The following RIPK1 variants were observed in gnomAD, a reference collection of about 807,000 sequenced individuals.
RIPK1 encodes receptor interacting serine/threonine kinase 1, also known as receptor-interacting serine/threonine-protein kinase 1.
RIPK1 carries 27 observed loss-of-function variants against 62.4 expected under a neutral mutation model. The observed-to-expected ratio is 0.43, with a 90% CI of 0.32 to 0.60. The LOEUF is 0.60. RIPK1 is among the 20% of genes least tolerant of loss of function. RIPK1 has a pLI of 0.07. For synonymous variants in RIPK1, 287 were observed against 303.2 expected, an observed-to-expected ratio of 0.95 and a Z score of 0.55; for missense variants, 735 against 831.0, an observed-to-expected ratio of 0.88 and a Z score of 1.42.
rs556281914 is a variant in RIPK1 at position 3,073,503 on chromosome 6, C to T, written c.-60-3261C>T. Reference sequence around the variant, plus strand: ...CTATGGCTCCTGGTCTCTTACCTCACGCGTGTGCCTCACCCCACCCCTCAG... The same window carrying T: ...CTATGGCTCCTGGTCTCTTACCTCATGCGTGTGCCTCACCCCACCCCTCAG... On this transcript the variant is annotated intron_variant, in intron 1 of 10. Transcript: ENST00000259808. 8.4e-4 allele frequency among the ~76,000 whole-genome samples: 128 copies of T among 152,254 alleles called. 1 individual carries two copies. The highest frequency in any genetic ancestry group is 2.8e-3 in the African/African-American group (115 of 41,540).
At chr6:3,088,970 C>T (rs993020052) in intron 6 of RIPK1, among the ~76,000 whole-genome samples, 14 of 152,150 alleles carry the variant, frequency 9.2e-5, no homozygotes, top group Admixed American at 5.2e-4. Context: ...AAGAGAAAAT[C>T]CAGTGAACTC....
In RIPK1 at chr6:3,082,492, TTC is replaced by T. The variant is rs138654871; in HGVS notation, c.460-587_460-586del. ...TGTTCTGTGTCTGACCTTGCTATTT[TTC>T]TCTCTGCTTTTTTGTCTGTTTTTCT... On this transcript the variant is annotated intron_variant, in intron 4 of 10. Coordinates refer to ENST00000259808, the MANE Select transcript of RIPK1 (RefSeq NM_001354930.2). Among the ~76,000 whole-genome samples the T allele has an allele frequency of 3.7e-3, 566 of 152,326 alleles. 4 individuals carry two copies. Among genetic ancestry groups the T allele is most frequent in the African/African-American group, 0.013 (535 of 41,562 alleles).
rs999404443 is a variant in RIPK1, at chr6:3,072,902, C to T, written c.-60-3862C>T. ...CTAAAATCAATGTTATCTTTTATGC[C>T]CTCTGTCTCCACCCGCTCCTACCTC... On this transcript the variant is annotated intron_variant, in intron 1 of 10. Coordinates refer to ENST00000259808, the MANE Select transcript of RIPK1 (RefSeq NM_001354930.2). This position sits in a 1 kb window ranked among gnomAD's most constrained non-coding sequence, Gnocchi z 5.6. 2.4e-5 allele frequency among the ~76,000 whole-genome samples: 3 copies of T among 126,760 alleles called. No individual in the cohort carries two copies. The highest frequency in any genetic ancestry group is 5.6e-5 in the African/African-American group (1 of 17,880). 83.2% of individuals were successfully genotyped at this position (126,760 alleles called of 152,430 possible). A position where few individuals can be genotyped will look rare whatever the true frequency, so the allele number is the denominator to read the frequency against.
Position 3,105,441 on chromosome 6 carries a change from G to A in RIPK1, c.1007-41G>A. On this transcript the variant is annotated intron_variant, in intron 8 of 10. Coordinates refer to ENST00000259808, the MANE Select transcript of RIPK1 (RefSeq NM_001354930.2). The surrounding 1 kb of genome is among the most constrained non-coding windows in gnomAD (Gnocchi z 4.5). ...CTCAGATTTTATTTTACTTTTTAATGTTTCATGACACCCATTCTAATGTTG... is the reference window on the plus strand; with the variant it reads ...CTCAGATTTTATTTTACTTTTTAATATTTCATGACACCCATTCTAATGTTG... 1 of 1,419,782 alleles carries A rather than the reference G, an allele frequency of 7.0e-7. No individual in the cohort carries two copies. The highest frequency in any genetic ancestry group is 1.4e-5 in the South Asian group (1 of 70,884). 87.9% of individuals were successfully genotyped at this position (1,419,782 alleles called of 1,614,324 possible). A position where few individuals can be genotyped will look rare whatever the true frequency, so the allele number is the denominator to read the frequency against.
chr6:3,068,618 G>A lies in RIPK1; in HGVS notation c.-104G>A, dbSNP rs535027879. On this transcript the variant is annotated 5_prime_UTR_variant, in exon 1 of 11. Transcript: ENST00000259808. ...GCCATCCGGGCGGGGCCGACGGAGC[G>A]CGGCAGGACTTGGCTGGACGGCGCG... is the stretch of plus-strand genomic sequence containing the variant. The A allele has an allele frequency of 1.6e-4, 157 of 985,150 alleles. No individual in the cohort carries two copies. Among genetic ancestry groups the A allele is most frequent in the Non-Finnish European group, 1.8e-4 (146 of 829,886 alleles). 61.0% of individuals were successfully genotyped at this position (985,150 alleles called of 1,614,324 possible).
chr6:3,090,599 A>C (rs1168179201), intron 7 of RIPK1, among the ~76,000 whole-genome samples: 1 of 152,136 alleles, frequency 6.6e-6, no homozygotes, highest in Non-Finnish European at 1.5e-5. Context: ...TCAAAGAAAA[A>C]CAGACAAATC....
intron 10 of RIPK1, among the ~76,000 whole-genome samples, chr6:3,111,923 G>A (rs114102953): frequency 5.5e-4 from 84 of 152,322 alleles, no homozygotes; most frequent in African/African-American, 1.9e-3. Flanking sequence ...ACATCACAGA[G>A]GGCTGAGGAA....
At chr6:3,070,335 A>T (rs1045510501) in intron 1 of RIPK1, among the ~76,000 whole-genome samples, 1 of 152,174 alleles carries the variant, frequency 6.6e-6, no homozygotes, top group East Asian at 1.9e-4. Flanking sequence ...GAAAATACTT[A>T]ATTTCCCATG....
intron 3 of RIPK1, among the ~76,000 whole-genome samples, chr6:3,079,197 A>C (rs559985578): frequency 3.3e-5 from 5 of 152,228 alleles, no homozygotes; most frequent in African/African-American, 9.6e-5. Flanking sequence ...CTCCTGCCTC[A>C]GCCTCTTGAG....
chr6:3,081,579 G>C (rs1413437332), intron 4 of RIPK1, among the ~76,000 whole-genome samples: 1 of 152,080 alleles, frequency 6.6e-6, no homozygotes, highest in Admixed American at 6.6e-5. Flanking sequence ...TGAGATCAGC[G>C]GCCGGGTGCA....
upstream of RIPK1, among the ~76,000 whole-genome samples, chr6:3,064,315 G>A (rs1267203993): frequency 2.0e-5 from 3 of 152,176 alleles, no homozygotes; most frequent in East Asian, 5.8e-4. Flanking sequence ...GCCCTTCCCT[G>A]GCCGAAGCCC....
chr6:3,068,656 G>C lies in RIPK1; in HGVS notation c.-66G>C, dbSNP rs1243961866. 1 of 985,304 alleles carries C rather than the reference G, an allele frequency of 1.0e-6. No individual in the cohort carries two copies. Among genetic ancestry groups the C allele is most frequent in the South Asian group, 4.7e-5 (1 of 21,290 alleles). The allele number at this position is 985,304 out of a possible 1,614,324, so 61.0% of individuals were successfully genotyped here. A position where few individuals can be genotyped will look rare whatever the true frequency, so the allele number is the denominator to read the frequency against. On this transcript the variant is annotated 5_prime_UTR_variant, in exon 1 of 11. Coordinates refer to ENST00000259808, the MANE Select transcript of RIPK1 (RefSeq NM_001354930.2). ...GCTGGACGGCGCGGCCACGGAGAAGGGCGCGGTGAGCGGACTGGCACCGCG... is the reference window on the plus strand; with the variant it reads ...GCTGGACGGCGCGGCCACGGAGAAGCGCGCGGTGAGCGGACTGGCACCGCG...
chr6:3,090,393 G>A (rs1224505947), intron 7 of RIPK1, among the ~76,000 whole-genome samples: 1 of 152,064 alleles, frequency 6.6e-6, no homozygotes, highest in Admixed American at 6.5e-5. Context: ...AACAGGCAGA[G>A]ACTTTAAAAT....
chr6:3,068,584 C>T lies in RIPK1; in HGVS notation c.-138C>T. The T allele has an allele frequency of 1.5e-5, 15 of 985,402 alleles. No homozygotes were observed. The highest frequency in any genetic ancestry group is 1.8e-5 in the Non-Finnish European group (15 of 829,994). The allele number at this position is 985,402 out of a possible 1,614,324, so 61.0% of individuals were successfully genotyped here. A position where few individuals can be genotyped will look rare whatever the true frequency, so the allele number is the denominator to read the frequency against. ...TCCAGGGGACCCACAGCTGGGGCGC[C>T]AGAGCGCGGCCATCCGGGCGGGGCC... On this transcript the variant is annotated 5_prime_UTR_variant, in exon 1 of 11. Coordinates refer to ENST00000259808, the MANE Select transcript of RIPK1 (RefSeq NM_001354930.2).
chr6:3,095,598 C>T (rs1272496559), intron 7 of RIPK1, among the ~76,000 whole-genome samples: 7 of 152,102 alleles, frequency 4.6e-5, no homozygotes, highest in Admixed American at 1.3e-4. Flanking sequence ...ACGCAAAATT[C>T]GGTTTCTGCC....
chr6:3,089,631 G>A lies in RIPK1; in HGVS notation c.889G>A (p.Val297Ile), dbSNP rs927432248. The A allele has an allele frequency of 2.5e-6, 4 of 1,587,230 alleles. No homozygotes were observed. In the African/African-American group the frequency reaches 4.0e-5, roughly 16 times the overall value. ...PFYLSQLEESVEEDVKSLKKE... is the reference protein window; with the variant it reads ...PFYLSQLEESIEEDVKSLKKE... ...TTATTTAAGTCAATTAGAAGAAAGT[G>A]TAGAAGAGGACGTGAAGAGTTTAAA... Residue 297 changes from valine to isoleucine, a missense_variant, in exon 7 of 11, where the codon GTA becomes ATA. Val to Ile is a conservative substitution (Grantham distance 29). Coordinates refer to ENST00000259808, the MANE Select transcript of RIPK1 (RefSeq NM_001354930.2).
In RIPK1 at chr6:3,099,271, G is replaced by A. The variant is rs1159971203; in HGVS notation, c.916-4954G>A. On this transcript the variant is annotated intron_variant, in intron 7 of 10. Coordinates refer to ENST00000259808, the MANE Select transcript of RIPK1 (RefSeq NM_001354930.2). ...AATAAAAAACAAAAATAGGCCGGGT[G>A]CGGTGGCTGACGCCTGTAATCCCAG... Among the ~76,000 whole-genome samples the A allele has an allele frequency of 3.3e-5, 5 of 152,228 alleles. No individual in the cohort carries two copies. In the East Asian group the frequency reaches 7.7e-4, roughly 23 times the overall value.
intron 7 of RIPK1, 79 bp downstream of exon 7, chr6:3,089,736 T>A (rs1433336582): frequency 3.6e-6 from 3 of 835,252 alleles, no homozygotes; most frequent in Admixed American, 4.5e-5. Context: ...AACAAAGTGA[T>A]TTGTTATTGA....
intron 6 of RIPK1, among the ~76,000 whole-genome samples, chr6:3,087,962 T>C (rs17513383): frequency 0.045 from 6,916 of 152,316 alleles, 417 homozygotes; most frequent in African/African-American, 0.13. Flanking sequence ...ATTAATTGAA[T>C]CGTTTTTATC....
Sources: gnomAD v4.1 joint callset for allele counts (sites outside exome capture counted in the v4.1 genomes callset) on GRCh38, gnomAD v4.1.1 for gene constraint, Gnocchi (gnomAD v3.1) non-coding constraint, MANE v1.5 for transcripts, NCBI Gene and HGNC (gene_info 2026-07-23, HGNC 2026-07-21) for gene names.